Variants in CNTNAP5 observed in about 807,000 individuals in gnomAD.
The protein encoded by CNTNAP5 is contactin-associated protein-like 5.
In CNTNAP5, 72 loss-of-function variants were observed where a neutral mutation model predicts 150.2. That is an observed-to-expected ratio of 0.48 (90% CI 0.40 to 0.58). CNTNAP5 has a LOEUF of 0.58. Ranked by LOEUF, CNTNAP5 falls within the 20% of genes least tolerant of loss-of-function variation. CNTNAP5 has a pLI of 0.00. For synonymous variants in CNTNAP5, 672 were observed against 619.8 expected, an observed-to-expected ratio of 1.08 and a Z score of -1.25; for missense variants, 1,636 against 1,626.2, an observed-to-expected ratio of 1.01 and a Z score of -0.10.
At chr2:124,630,160 T>C (rs1677821048) in intron 12 of CNTNAP5, among the ~76,000 whole-genome samples, 1 of 152,072 alleles carries the variant, frequency 6.6e-6, no homozygotes, top group Non-Finnish European at 1.5e-5. Context: ...GAGGAGCCGG[T>C]ACCATTTCTT....
chr2:124,715,832 G>A (rs1390585420), intron 13 of CNTNAP5, among the ~76,000 whole-genome samples: 2 of 152,080 alleles, frequency 1.3e-5, no homozygotes, highest in African/African-American at 2.4e-5. Context: ...CTGCCACCTC[G>A]TCTAATAGAA....
In CNTNAP5 at chr2:124,745,505, A is replaced by G. The variant is rs575536858; in HGVS notation, c.2078-1724A>G. On this transcript the variant is annotated intron_variant, in intron 13 of 23. Coordinates refer to ENST00000682447, the MANE Select transcript of CNTNAP5 (RefSeq NM_001367498.1). ...ATTCCTGAATGTGCTCCATGCTCCA[A>G]ATAAGCCTGCCAGTCCTCTAGGCCA... Among the ~76,000 whole-genome samples, 178 of 152,296 alleles carry G rather than the reference A, an allele frequency of 1.2e-3. 1 individual carries two copies. Among genetic ancestry groups the G allele is most frequent in the African/African-American group, 4.0e-3 (168 of 41,570 alleles).
chr2:124,267,097 T>G (rs1178856935), intron 3 of CNTNAP5, among the ~76,000 whole-genome samples: 1 of 152,086 alleles, frequency 6.6e-6, no homozygotes, highest in East Asian at 1.9e-4. Flanking sequence ...TTAAGATTCA[T>G]AATTTTTAAA....
intron 4 of CNTNAP5, among the ~76,000 whole-genome samples, chr2:124,427,452 A>T (rs545163694): frequency 2.6e-5 from 4 of 151,530 alleles, no homozygotes; most frequent in African/African-American, 9.7e-5. Context: ...TTGTTTTTTT[A>T]TTATTATTTA....
At position 124,848,176 on chromosome 2, in the gene CNTNAP5, C is replaced by T. The variant is rs913323287; in HGVS notation, c.3218-17130C>T. On this transcript the variant is annotated intron_variant, in intron 19 of 23. Coordinates refer to ENST00000682447, the MANE Select transcript of CNTNAP5 (RefSeq NM_001367498.1). ...ATTGAAAATTTGACCAACATCCTCT[C>T]GTTTCCCCAAACCCCAGTCCCTGGA... Among the ~76,000 whole-genome samples the T allele has an allele frequency of 2.6e-5, 4 of 152,256 alleles. No homozygotes were observed. The East Asian group carries it at 5.8e-4, about 22-fold the overall frequency.
chr2:124,587,119 C>T (rs1207428952), intron 11 of CNTNAP5, among the ~76,000 whole-genome samples: 1 of 152,176 alleles, frequency 6.6e-6, no homozygotes, highest in Non-Finnish European at 1.5e-5. Context: ...ATGGTAACCA[C>T]TAACTCAAGT....
chr2:124,172,861 CT>C (rs1558786098), intron 1 of CNTNAP5, among the ~76,000 whole-genome samples: 1 of 151,952 alleles, frequency 6.6e-6, no homozygotes, highest in Non-Finnish European at 1.5e-5. Context: ...GGGCACCTCA[CT>C]TTTTTGCACT....
intron 3 of CNTNAP5, among the ~76,000 whole-genome samples, chr2:124,384,258 T>C (rs1035580161): frequency 1.3e-5 from 2 of 152,182 alleles, no homozygotes; most frequent in African/African-American, 4.8e-5. Context: ...TCCTTGGCTA[T>C]GTCCAGTTCA....
intron 1 of CNTNAP5, among the ~76,000 whole-genome samples, chr2:124,199,459 A>G (rs1573829762): frequency 9.0e-6 from 1 of 110,978 alleles, no homozygotes; most frequent in South Asian, 3.1e-4. Context: ...CTTGTTGCCC[A>G]GGCTGGAGTG....
chr2:124,398,981 A>G (rs1446612027), intron 3 of CNTNAP5, among the ~76,000 whole-genome samples: 1 of 152,226 alleles, frequency 6.6e-6, no homozygotes, highest in African/African-American at 2.4e-5. Context: ...CTCAGAGTTT[A>G]CAGTAAATAT....
intron 14 of CNTNAP5, among the ~76,000 whole-genome samples, chr2:124,748,167 G>A (rs1680649595): frequency 6.6e-6 from 1 of 152,008 alleles, no homozygotes; most frequent in African/African-American, 2.4e-5. Context: ...CAAAGGAAAT[G>A]TATATTTATT....
intron 13 of CNTNAP5, among the ~76,000 whole-genome samples, chr2:124,658,677 TCAAGAATAG>T (rs1191373068): frequency 6.6e-6 from 1 of 152,148 alleles, no homozygotes; most frequent in Non-Finnish European, 1.5e-5. Flanking sequence ...ACATAACAAG[TCAAGAATAG>T]CAAGAAAAAC....
At chr2:124,304,742 GGCTTCCTAATTT>G (rs1258742214) in intron 3 of CNTNAP5, among the ~76,000 whole-genome samples, 2 of 152,144 alleles carry the variant, frequency 1.3e-5, no homozygotes, top group Non-Finnish European at 2.9e-5. Flanking sequence ...AATGGCCAGA[GGCTTCCTAATTT>G]GCTTCCTAAT....
At chr2:124,406,005 T>G (rs969263702) in intron 3 of CNTNAP5, among the ~76,000 whole-genome samples, 2 of 152,224 alleles carry the variant, frequency 1.3e-5, no homozygotes, top group Admixed American at 6.5e-5. Flanking sequence ...CTGCTTTAAC[T>G]GTGTCCCACA....
chr2:124,622,598 G>A (rs1165577013), intron 12 of CNTNAP5, among the ~76,000 whole-genome samples: 3 of 152,066 alleles, frequency 2.0e-5, no homozygotes, highest in East Asian at 1.9e-4. Context: ...CAGTGTAAAA[G>A]CATTCCTTTT....
intron 1 of CNTNAP5, among the ~76,000 whole-genome samples, chr2:124,174,794 C>T (rs1462356366): frequency 6.6e-6 from 1 of 152,152 alleles, no homozygotes; most frequent in Non-Finnish European, 1.5e-5. Flanking sequence ...GCATCACATG[C>T]TACAGAAATA....
intron 22 of CNTNAP5, among the ~76,000 whole-genome samples, chr2:124,910,204 G>A (rs1292781883): frequency 6.6e-6 from 1 of 151,982 alleles, no homozygotes; most frequent in Non-Finnish European, 1.5e-5. Context: ...ACATGGCTGT[G>A]TGGCAAGTGC....
chr2:124,699,162 C>CTTTCTGCCTTTT (rs1404549055), intron 13 of CNTNAP5, among the ~76,000 whole-genome samples: 1 of 152,142 alleles, frequency 6.6e-6, no homozygotes, highest in Non-Finnish European at 1.5e-5. Flanking sequence ...AGCAGCTGTG[C>CTTTCTGCCTTTT]TTTCTGCCTT....
At chr2:124,686,054 T>A (rs887300702) in intron 13 of CNTNAP5, among the ~76,000 whole-genome samples, 1 of 152,118 alleles carries the variant, frequency 6.6e-6, no homozygotes, top group Non-Finnish European at 1.5e-5. Context: ...CCCATCTAAT[T>A]CCAGAATTTC....
Sources: allele counts gnomAD v4.1 joint callset (sites outside exome capture counted in the v4.1 genomes callset), GRCh38; gene constraint gnomAD v4.1.1; transcripts MANE v1.5; gene names NCBI Gene and HGNC (gene_info 2026-07-23, HGNC 2026-07-21).